The following PBRM1 variants were observed in gnomAD, a reference collection of about 807,000 sequenced individuals.
PBRM1 encodes protein polybromo-1.
A neutral mutation model predicts 194.5 loss-of-function variants in PBRM1; 27 were observed. The ratio of observed to expected loss-of-function variants is 0.14; its 90% CI spans 0.10 to 0.19. The LOEUF (loss-of-function observed/expected upper bound fraction) is 0.19. Among genes scored for constraint, PBRM1 ranks in the 10% least tolerant of loss-of-function variants. The pLI, the probability that PBRM1 is intolerant of heterozygous loss-of-function variation, is 1.00. For missense variants in PBRM1, 1,466 were observed against 2,077.2 expected, an observed-to-expected ratio of 0.71 and a Z score of 5.72; for synonymous variants, 655 against 693.2, an observed-to-expected ratio of 0.94 and a Z score of 0.87.
chr3:52,659,219 T>G lies in PBRM1; in HGVS notation c.529-904A>C, dbSNP rs80215830. Among the ~76,000 whole-genome samples, 259 of 152,338 alleles carry G rather than the reference T, an allele frequency of 1.7e-3. 2 individuals are homozygous for G. The highest frequency in any genetic ancestry group is 3.0e-3 in the Non-Finnish European group (205 of 68,038). On this transcript the variant is annotated intron_variant, in intron 4 of 29. Coordinates refer to ENST00000296302, the Ensembl canonical transcript of PBRM1. ...AGGAAGTATATGCCCCAAAGAGTACTTGACCAGGGAGGGTCCAAGTCTGAA... is the reference window on the plus strand; with the variant it reads ...AGGAAGTATATGCCCCAAAGAGTACGTGACCAGGGAGGGTCCAAGTCTGAA...
intron 13 of PBRM1, among the ~76,000 whole-genome samples, chr3:52,619,765 G>A (rs968091082): frequency 1.3e-5 from 2 of 152,036 alleles, no homozygotes; most frequent in Non-Finnish European, 2.9e-5. Context: ...TTAAAACACA[G>A]AAAGAAAAAT....
chr3:52,633,107 T>G (rs1476336496), intron 11 of PBRM1, among the ~76,000 whole-genome samples: 1 of 152,284 alleles, frequency 6.6e-6, no homozygotes, highest in East Asian at 1.9e-4. Flanking sequence ...TTTGTAAGAC[T>G]GACACTCTAT....
Position 52,609,152 on chromosome 3 carries a change from C to CT in PBRM1, c.2567+160dup, listed in dbSNP as rs2094492192. 3 of 615,814 alleles carry CT rather than the reference C, an allele frequency of 4.9e-6. No homozygotes were observed. The highest frequency in any genetic ancestry group is 8.4e-6 in the Non-Finnish European group (3 of 356,120). The allele number at this position is 615,814 out of a possible 1,614,324, so 38.1% of individuals were successfully genotyped here. A position where few individuals can be genotyped will look rare whatever the true frequency, so the allele number is the denominator to read the frequency against. On this transcript the variant is annotated intron_variant, in intron 16 of 29. Transcript: ENST00000296302. This position sits in a 1 kb window ranked among gnomAD's most constrained non-coding sequence, Gnocchi z 4.1. ...TGCCTTCTCTCCCCCACAGAATATA[C>CT]TCACTCTTAAGAAGTTCTGGCTGAT...
intron 3 of PBRM1, among the ~76,000 whole-genome samples, chr3:52,665,281 A>G (rs1217843853): frequency 6.6e-6 from 1 of 152,062 alleles, no homozygotes; most frequent in African/African-American, 2.4e-5. Context: ...CAGCCCCTCA[A>G]GTAGCTGGGA....
chr3:52,620,052 T>C (rs889002843), intron 13 of PBRM1, among the ~76,000 whole-genome samples: 1 of 152,206 alleles, frequency 6.6e-6, no homozygotes, highest in African/African-American at 2.4e-5. Context: ...AAACGTTTGT[T>C]AGATATTTTA....
intron 11 of PBRM1, among the ~76,000 whole-genome samples, chr3:52,632,444 T>C (rs2095648838): frequency 6.6e-6 from 1 of 152,140 alleles, no homozygotes; most frequent in African/African-American, 2.4e-5. Flanking sequence ...TAGCTGGGCA[T>C]GTTGGCATGT....
At chr3:52,554,930 G>A (rs1480881305) in intron 26 of PBRM1, 51 bp from the exon 29 acceptor site, 2 of 1,541,910 alleles carry the variant, frequency 1.3e-6, no homozygotes, top group African/African-American at 2.7e-5. Context: ...TGCAACATGA[G>A]CTAAGTAATA....
chr3:52,548,460 TCTGTCGCC>T (rs1171199564), intron 29 of PBRM1, among the ~76,000 whole-genome samples: 3 of 151,756 alleles, frequency 2.0e-5, no homozygotes, highest in Non-Finnish European at 2.9e-5. Flanking sequence ...CGAGTCTCGC[TCTGTCGCC>T]CTCGCTGGAG....
At chr3:52,617,089 T>C (rs2095000881) in intron 14 of PBRM1, among the ~76,000 whole-genome samples, 173 bp downstream of exon 16, 2 of 152,214 alleles carry the variant, frequency 1.3e-5, no homozygotes, top group Non-Finnish European at 1.5e-5. Context: ...GGAACGTTTA[T>C]CTTTATAATG....
intron 27 of PBRM1, among the ~76,000 whole-genome samples, chr3:52,553,268 T>C (rs537211552): frequency 6.6e-6 from 1 of 152,332 alleles, no homozygotes; most frequent in South Asian, 2.1e-4. Context: ...CTTTTGCATA[T>C]GATGGCAATT....
chr3:52,677,325 C>G (rs1179198274), intron 2 of PBRM1, among the ~76,000 whole-genome samples: 2 of 152,070 alleles, frequency 1.3e-5, no homozygotes, highest in Non-Finnish European at 2.9e-5. Flanking sequence ...CTCACTGCAA[C>G]CTCTGCCTCC....
chr3:52,660,306 T>C (rs767977136), intron 4 of PBRM1, among the ~76,000 whole-genome samples: 3 of 152,322 alleles, frequency 2.0e-5, no homozygotes, highest in South Asian at 4.1e-4. Context: ...CCTGTATTCA[T>C]ATTAGAGAGT....
chr3:52,663,642 C>T (rs914592482), intron 3 of PBRM1, among the ~76,000 whole-genome samples: 2 of 151,964 alleles, frequency 1.3e-5, no homozygotes, highest in South Asian at 2.1e-4. Context: ...CAAAGAATCA[C>T]GAGAAAGCTA....
At chr3:52,567,798 AT>A (rs2085787686) in intron 22 of PBRM1, among the ~76,000 whole-genome samples, 1 of 134,320 alleles carries the variant, frequency 7.4e-6, no homozygotes, top group Non-Finnish European at 1.6e-5. Flanking sequence ...TGCCTGGCTA[AT>A]TTTTGTGTTT....
intron 15 of PBRM1, among the ~76,000 whole-genome samples, chr3:52,612,325 T>G (rs2094680201): frequency 6.7e-6 from 1 of 148,170 alleles, no homozygotes; most frequent in Non-Finnish European, 1.5e-5. Flanking sequence ...ATCTGGATTC[T>G]ACTTTAACCA....
chr3:52,647,445 AAAAAAAAAAAAAATATATATATATAT>A (rs1292005677), intron 7 of PBRM1, among the ~76,000 whole-genome samples: 7 of 80,674 alleles, frequency 8.7e-5, no homozygotes, highest in African/African-American at 2.2e-4. Flanking sequence ...AAAAAAAAAA[AAAAAAAAAAAAAATATATATATATAT>A]ATATATATAT....
At chr3:52,615,071 G>T (rs545970267) in intron 15 of PBRM1, among the ~76,000 whole-genome samples, 1 of 152,022 alleles carries the variant, frequency 6.6e-6, no homozygotes, top group Non-Finnish European at 1.5e-5. Context: ...AGCATTATAC[G>T]TACAGAAAAA....
chr3:52,605,606 T>C (rs1161525621), intron 16 of PBRM1, among the ~76,000 whole-genome samples: 1 of 150,512 alleles, frequency 6.6e-6, no homozygotes, highest in Non-Finnish European at 1.5e-5. Flanking sequence ...AAAGTCTCTT[T>C]TTTTTTTTTT....
chr3:52,651,882 T>C (rs1471487098), intron 5 of PBRM1, 72 bp from the exon 7 acceptor site: 6 of 985,224 alleles, frequency 6.1e-6, no homozygotes, highest in South Asian at 1.5e-5. Flanking sequence ...GGAAGTACAT[T>C]GACAATCTGT....
Sources: allele counts gnomAD v4.1 joint callset (sites outside exome capture counted in the v4.1 genomes callset), GRCh38; gene constraint gnomAD v4.1.1; non-coding constraint Gnocchi (gnomAD v3.1); transcripts MANE v1.5; gene names NCBI Gene and HGNC (gene_info 2026-07-23, HGNC 2026-07-21).